Variants in RBFOX1 observed in about 807,000 individuals in gnomAD.
The protein encoded by RBFOX1 is RNA binding protein fox-1 homolog 1.
RBFOX1 carries 8 observed loss-of-function variants against 57.7 expected under a neutral mutation model. The observed-to-expected ratio is 0.14, with a 90% CI of 0.08 to 0.25. The LOEUF is 0.25. RBFOX1 is among the 10% of genes least tolerant of loss of function. RBFOX1 has a pLI of 1.00. For missense variants in RBFOX1, 611 were observed against 548.5 expected, an observed-to-expected ratio of 1.11 and a Z score of -1.14; for synonymous variants, 326 against 222.4, an observed-to-expected ratio of 1.47 and a Z score of -4.15.
chr16:7,220,441 GAACCT>G (rs1172211956), intron 4 of RBFOX1, among the ~76,000 whole-genome samples: 3 of 152,268 alleles, frequency 2.0e-5, no homozygotes, highest in Admixed American at 6.5e-5. Flanking sequence ...GTGTTCATAG[GAACCT>G]AAAGAGACAG....
intron 3 of RBFOX1, among the ~76,000 whole-genome samples, chr16:6,959,109 G>C (rs187797946): frequency 2.0e-5 from 3 of 152,088 alleles, no homozygotes; most frequent in African/African-American, 7.2e-5. Context: ...TTTTCTATCG[G>C]CTTTGTCTTT....
intron 3 of RBFOX1, among the ~76,000 whole-genome samples, chr16:5,851,775 A>T (rs185163995): frequency 6.6e-6 from 1 of 152,248 alleles, no homozygotes. Context: ...CAAAGGTGAC[A>T]GGAAAACCGC....
intron 4 of RBFOX1, among the ~76,000 whole-genome samples, chr16:7,341,346 C>G (rs1466352216): frequency 1.3e-5 from 2 of 152,110 alleles, no homozygotes; most frequent in African/African-American, 2.4e-5. Flanking sequence ...GGCAAAGGCT[C>G]CATGAAACTC....
chr16:6,169,647 C>A (rs775306101), intron 1 of RBFOX1, among the ~76,000 whole-genome samples: 1 of 152,170 alleles, frequency 6.6e-6, no homozygotes, highest in Non-Finnish European at 1.5e-5. Flanking sequence ...GTTACAGCTC[C>A]GCGTTTGCCT....
chr16:5,881,794 A>T (rs1034929811), intron 4 of RBFOX1, among the ~76,000 whole-genome samples: 2 of 152,216 alleles, frequency 1.3e-5, no homozygotes, highest in African/African-American at 4.8e-5. Context: ...ATTCTGCTAG[A>T]TTCTAGTGTT....
In RBFOX1 at chr16:6,694,345, G is replaced by A. The variant is rs117554629; in HGVS notation, c.-16+39695G>A. Among the ~76,000 whole-genome samples the A allele has an allele frequency of 1.8e-4, 28 of 152,180 alleles. No homozygotes were observed. The East Asian group carries it at 4.6e-3, about 25-fold the overall frequency. On this transcript the variant is annotated intron_variant, in intron 3 of 15. Transcript: ENST00000550418. ...AGATTATCTGGCATTTGGAGTTGGC[G>A]GAGATTAATTATGTAGATTATATCC... is the stretch of plus-strand genomic sequence containing the variant.
At chr16:7,586,754 G>T (rs777395954) in intron 6 of RBFOX1, among the ~76,000 whole-genome samples, 1 of 152,202 alleles carries the variant, frequency 6.6e-6, no homozygotes, top group Non-Finnish European at 1.5e-5. Flanking sequence ...AGATAGTGGA[G>T]TTTGCTTCTG....
chr16:6,312,857 G>C (rs1240019691), intron 1 of RBFOX1, among the ~76,000 whole-genome samples: 4 of 151,982 alleles, frequency 2.6e-5, no homozygotes, highest in Non-Finnish European at 4.4e-5. Context: ...AGTTAAAATA[G>C]TGAGCAAAAC....
intron 1 of RBFOX1, among the ~76,000 whole-genome samples, chr16:6,042,301 G>A (rs573768944): frequency 1.3e-4 from 20 of 151,926 alleles, no homozygotes; most frequent in South Asian, 2.1e-4. Context: ...GGGTTTCACC[G>A]TGTTGGCCAG....
chr16:6,310,784 C>G (rs932586470), intron 1 of RBFOX1, among the ~76,000 whole-genome samples: 7 of 151,880 alleles, frequency 4.6e-5, no homozygotes, highest in African/African-American at 1.7e-4. Context: ...AATGAAGAGT[C>G]TATAGAGATG....
chr16:6,996,429 A>T (rs8060789), intron 3 of RBFOX1, among the ~76,000 whole-genome samples: 14,594 of 152,114 alleles, frequency 0.096, 822 homozygotes, highest in East Asian at 0.22. Context: ...ACACATCTAG[A>T]TGTGTTTATA....
At chr16:6,814,665 G>T (rs1414431461) in intron 3 of RBFOX1, among the ~76,000 whole-genome samples, 1 of 152,142 alleles carries the variant, frequency 6.6e-6, no homozygotes, top group Admixed American at 6.6e-5. Flanking sequence ...AGGGGGAAGG[G>T]CTCCTCCAAG....
chr16:7,196,370 C>T (rs1403322062), intron 4 of RBFOX1, among the ~76,000 whole-genome samples: 1 of 152,164 alleles, frequency 6.6e-6, no homozygotes, highest in Non-Finnish European at 1.5e-5. Flanking sequence ...TTCACTCCCC[C>T]TCTCCCCAGC....
chr16:5,648,838 C>T (rs1259082588), intron 3 of RBFOX1, among the ~76,000 whole-genome samples: 7 of 151,994 alleles, frequency 4.6e-5, no homozygotes, highest in South Asian at 2.1e-4. Flanking sequence ...CCAAAGCAGG[C>T]GGATCACTTG....
At chr16:7,205,297 C>G (rs2089693384) in intron 4 of RBFOX1, among the ~76,000 whole-genome samples, 2 of 152,014 alleles carry the variant, frequency 1.3e-5, no homozygotes, top group Non-Finnish European at 1.5e-5. Context: ...GCAGGCAGAT[C>G]ACTTGATGTC....
At chr16:5,542,415 AT>A (rs754958698) in intron 2 of RBFOX1, among the ~76,000 whole-genome samples, 3,470 of 138,916 alleles carry the variant, frequency 0.025, 111 homozygotes, top group African/African-American at 0.074. Context: ...TGCCTGGCTA[AT>A]TTTTTTTTTT....
At chr16:6,823,177 G>A (rs117875319) in intron 3 of RBFOX1, among the ~76,000 whole-genome samples, 1,558 of 152,176 alleles carry the variant, frequency 0.01, 10 homozygotes, top group Non-Finnish European at 0.015. Flanking sequence ...TGATTAGGGA[G>A]CCTGTGTTCC....
rs182038743 is a variant in RBFOX1, at chr16:7,000,533, C to T, written c.-15-51524C>T. On this transcript the variant is annotated intron_variant, in intron 3 of 15. Coordinates refer to ENST00000550418, the MANE Select transcript of RBFOX1 (RefSeq NM_018723.4). ...TCAGAAGTTTGATGAGATTTTTGTTCAATTTTGCTTTTGGCAAAAACACAT... is the reference window on the plus strand; with the variant it reads ...TCAGAAGTTTGATGAGATTTTTGTTTAATTTTGCTTTTGGCAAAAACACAT... 5.4e-3 allele frequency among the ~76,000 whole-genome samples: 792 copies of T among 147,644 alleles called. 5 individuals are homozygous for T. The highest frequency in any genetic ancestry group is 0.019 in the African/African-American group (754 of 40,484).
At chr16:6,965,498 G>A (rs530800750) in intron 3 of RBFOX1, among the ~76,000 whole-genome samples, 24 of 151,970 alleles carry the variant, frequency 1.6e-4, no homozygotes, top group Admixed American at 4.6e-4. Context: ...CACCATGCCT[G>A]GCTAATTTTT....
Sources: gnomAD v4.1 joint callset for allele counts (sites outside exome capture counted in the v4.1 genomes callset) on GRCh38, gnomAD v4.1.1 for gene constraint, MANE v1.5 for transcripts, NCBI Gene and HGNC (gene_info 2026-07-23, HGNC 2026-07-21) for gene names.